The following NAV2 variants were observed in gnomAD, a reference collection of about 807,000 sequenced individuals.
NAV2 encodes the protein neuron navigator 2.
NAV2 carries 54 observed loss-of-function variants against 223.2 expected under a neutral mutation model. The ratio of observed to expected loss-of-function variants is 0.24; its 90% CI spans 0.19 to 0.30. NAV2 has a LOEUF of 0.30. Among genes scored for constraint, NAV2 ranks in the 10% least tolerant of loss-of-function variants. The probability of loss-of-function intolerance (pLI) is 1.00; values close to 1 mark genes in which losing one functional copy is unlikely to be tolerated. For missense variants in NAV2, 2,806 were observed against 3,147.5 expected (o/e 0.89, Z 2.60); for synonymous variants, 1,279 against 1,239.3 (o/e 1.03, Z -0.67).
chr11:19,935,498 CTA>C (rs1400950491), intron 7 of NAV2, among the ~76,000 whole-genome samples: 5 of 152,150 alleles, frequency 3.3e-5, no homozygotes, highest in African/African-American at 1.2e-4. Context: ...TTTCAGCTTG[CTA>C]TGTTTGTATG....
intron 1 of NAV2, among the ~76,000 whole-genome samples, chr11:19,535,932 G>A (rs1048777880): frequency 6.6e-6 from 1 of 152,146 alleles, no homozygotes. Context: ...CCAAGGCAGT[G>A]GCCACAGATA....
chr11:19,739,328 G>A (rs191572913), intron 1 of NAV2, among the ~76,000 whole-genome samples: 21 of 152,098 alleles, frequency 1.4e-4, no homozygotes, highest in East Asian at 1.3e-3. Context: ...GTTAATCATC[G>A]TAGCAACCTA....
rs77425485 is a variant in NAV2, at chr11:19,667,847, C to G, written c.76-164637C>G. ...TTTCAGAAGCCAAAAGGAATTTCAA[C>G]ATAACTCAAGTCCTTTATTTGTATT... On this transcript the variant is annotated intron_variant, in intron 1 of 37. Transcript: ENST00000360655. Among the ~76,000 whole-genome samples the G allele has an allele frequency of 7.9e-3, 1,198 of 152,302 alleles. 28 individuals carry two copies. The highest frequency in any genetic ancestry group is 0.067 in the East Asian group (349 of 5,174).
At chr11:19,890,496 G>A (rs538133525) in intron 5 of NAV2, among the ~76,000 whole-genome samples, 1 of 152,078 alleles carries the variant, frequency 6.6e-6, no homozygotes, top group Non-Finnish European at 1.5e-5. Flanking sequence ...CCACACTGTG[G>A]TAGAATACTG....
chr11:20,007,972 C>A (rs1232308884), intron 11 of NAV2, among the ~76,000 whole-genome samples: 1 of 152,166 alleles, frequency 6.6e-6, no homozygotes, highest in African/African-American at 2.4e-5. Flanking sequence ...CATACTTTAC[C>A]CCTTGTAGAA....
intron 1 of NAV2, among the ~76,000 whole-genome samples, chr11:19,629,327 C>A (rs971284768): frequency 2.6e-5 from 4 of 152,010 alleles, no homozygotes; most frequent in Non-Finnish European, 5.9e-5. Context: ...GCTCAGGGAC[C>A]AAAGGGGCCC....
intron 1 of NAV2, among the ~76,000 whole-genome samples, chr11:19,830,798 C>A (rs147639471): frequency 2.0e-5 from 3 of 152,204 alleles, no homozygotes; most frequent in African/African-American, 4.8e-5. Context: ...CTTTAATGAT[C>A]TTTTAAATTT....
chr11:19,368,994 G>C (rs1197929056), intron 1 of NAV2, among the ~76,000 whole-genome samples: 1 of 152,140 alleles, frequency 6.6e-6, no homozygotes, highest in Non-Finnish European at 1.5e-5. Context: ...GGTCTTCTTT[G>C]AGCATGGAAT....
chr11:19,948,562 A>C (rs1429157767), intron 9 of NAV2, 129 bp from the exon 10 acceptor site: 6 of 973,382 alleles, frequency 6.2e-6, no homozygotes, highest in Admixed American at 3.3e-5. Context: ...CAGGTGGTAC[A>C]TGGGGGCTGG....
intron 3 of NAV2, among the ~76,000 whole-genome samples, chr11:19,849,215 C>T (rs957502295): frequency 1.3e-5 from 2 of 152,092 alleles, no homozygotes; most frequent in Admixed American, 6.5e-5. Context: ...AGTTGGAGCT[C>T]GAACCCAAGT....
At position 19,713,610 on chromosome 11, in the gene NAV2, C is replaced by T; in HGVS notation, c.-86C>T. ...CGCCTCGTGGGCTAAGGCCCGGCGC[C>T]TGCTCTGCTACCCGCGCTGCCTTTA... On this transcript the variant is annotated 5_prime_UTR_variant, in exon 1 of 38. Coordinates refer to ENST00000349880, the MANE Select transcript of NAV2 (RefSeq NM_145117.5). This position sits in a 1 kb window ranked among gnomAD's most constrained non-coding sequence, Gnocchi z 7.2. 6.9e-7 allele frequency: 1 copy of T among 1,459,152 alleles called. No homozygotes were observed. The highest frequency in any genetic ancestry group is 9.0e-7 in the Non-Finnish European group (1 of 1,105,320). 90.4% of individuals were successfully genotyped at this position (1,459,152 alleles called of 1,614,324 possible). A position where few individuals can be genotyped will look rare whatever the true frequency, so the allele number is the denominator to read the frequency against.
Position 19,946,424 on chromosome 11 carries a change from C to T in NAV2, c.2170C>T (p.Leu724=), listed in dbSNP as rs750560584. The change falls in exon 9 of 38, where the codon CTG becomes TTG. Residue 724 remains leucine (L), a synonymous_variant. Coordinates refer to ENST00000349880, the MANE Select transcript of NAV2 (RefSeq NM_145117.5). ...AGGGGAAGATCCTGAGGCTCGGCGGCTGCGGACAGTGAAGAACATCGCTGA... is the reference window on the plus strand; with the variant it reads ...AGGGGAAGATCCTGAGGCTCGGCGGTTGCGGACAGTGAAGAACATCGCTGA... ...LTGEDPEARR[L]RTVKNIADLR... is the part of the protein sequence containing the mutation. 6.2e-7 allele frequency: 1 copy of T among 1,613,262 alleles called. No individual in the cohort carries two copies. The highest frequency in any genetic ancestry group is 1.1e-5 in the South Asian group (1 of 90,784).
At chr11:19,852,757 C>T (rs2061217437) in intron 3 of NAV2, among the ~76,000 whole-genome samples, 1 of 123,478 alleles carries the variant, frequency 8.1e-6, no homozygotes, top group African/African-American at 2.8e-5. Flanking sequence ...TCCATATTCT[C>T]AGCACCTGGC....
intron 1 of NAV2, among the ~76,000 whole-genome samples, chr11:19,796,757 G>A (rs1475817627): frequency 2.0e-5 from 3 of 152,126 alleles, no homozygotes; most frequent in Non-Finnish European, 4.4e-5. Flanking sequence ...TACACACCCC[G>A]AGCAGAATTC....
rs74730305 is a variant in NAV2 at position 20,068,028 on chromosome 11, A to G, written c.4885-158A>G. 8.7e-3 allele frequency among the ~76,000 whole-genome samples: 1,328 copies of G among 152,296 alleles called. 9 individuals carry two copies. The highest frequency in any genetic ancestry group is 0.027 in the Middle Eastern group (8 of 294). Reference sequence around the variant, plus strand: ...TGTATTTGGCCTTTCTGATGGGTCAATTTAATTGAACCAGTTTTTCCAGAG... The same window carrying G: ...TGTATTTGGCCTTTCTGATGGGTCAGTTTAATTGAACCAGTTTTTCCAGAG... On this transcript the variant is annotated intron_variant, in intron 20 of 37. Coordinates refer to ENST00000349880, the MANE Select transcript of NAV2 (RefSeq NM_145117.5).
intron 1 of NAV2, among the ~76,000 whole-genome samples, chr11:19,761,804 C>T (rs982488181): frequency 1.3e-5 from 2 of 152,236 alleles, no homozygotes; most frequent in Non-Finnish European, 2.9e-5. Context: ...CCATTGAGTT[C>T]TGTTGGTTCA....
At chr11:19,999,415 C>G (rs1291301880) in intron 11 of NAV2, among the ~76,000 whole-genome samples, 1 of 152,222 alleles carries the variant, frequency 6.6e-6, no homozygotes, top group Non-Finnish European at 1.5e-5. Flanking sequence ...GTCACCCAGG[C>G]TGGAGCACAA....
intron 5 of NAV2, among the ~76,000 whole-genome samples, chr11:19,890,082 G>A (rs929672742): frequency 6.6e-5 from 10 of 152,178 alleles, no homozygotes; most frequent in African/African-American, 1.9e-4. Context: ...ACATACGGTG[G>A]CTGGACATTA....
At chr11:19,611,406 C>T (rs1467582691) in intron 1 of NAV2, among the ~76,000 whole-genome samples, 4 of 152,178 alleles carry the variant, frequency 2.6e-5, no homozygotes, top group African/African-American at 9.7e-5. Context: ...CTTATTTCAG[C>T]ATTAACCCAA....
Sources: gnomAD v4.1 joint callset for allele counts (sites outside exome capture counted in the v4.1 genomes callset) on GRCh38, gnomAD v4.1.1 for gene constraint, Gnocchi (gnomAD v3.1) non-coding constraint, MANE v1.5 for transcripts, NCBI Gene and HGNC (gene_info 2026-07-23, HGNC 2026-07-21) for gene names.